The following CTNNA2 variants were observed in gnomAD, a reference collection of about 807,000 sequenced individuals.
CTNNA2 encodes catenin alpha-2.
Under a neutral mutation model 101.0 loss-of-function variants are expected in CTNNA2, and 42 were observed. That is an observed-to-expected ratio of 0.42 (90% CI 0.32 to 0.54). CTNNA2 has a LOEUF of 0.54. Among genes scored for constraint, CTNNA2 ranks in the 20% least tolerant of loss-of-function variants. The probability of loss-of-function intolerance (pLI) is 0.14; values close to 1 mark genes in which losing one functional copy is unlikely to be tolerated. For missense variants in CTNNA2, 871 were observed against 1,223.1 expected, an observed-to-expected ratio of 0.71 and a Z score of 4.29; for synonymous variants, 450 against 456.4, an observed-to-expected ratio of 0.99 and a Z score of 0.18.
intron 7 of CTNNA2, among the ~76,000 whole-genome samples, chr2:80,220,796 T>C (rs549088773): frequency 6.6e-6 from 1 of 152,232 alleles, no homozygotes; most frequent in Admixed American, 6.5e-5. Flanking sequence ...GAGTTATATA[T>C]TTTCCATCTG....
intron 7 of CTNNA2, among the ~76,000 whole-genome samples, chr2:80,326,139 T>G (rs1350388257): frequency 1.3e-5 from 2 of 152,186 alleles, no homozygotes; most frequent in East Asian, 3.9e-4. Context: ...TTGCTGGCAT[T>G]TGAAAGGGAA....
chr2:79,877,900 A>T (rs887244536), intron 6 of CTNNA2, among the ~76,000 whole-genome samples: 11 of 152,142 alleles, frequency 7.2e-5, no homozygotes, highest in Non-Finnish European at 1.6e-4. Context: ...CAGGTTTGTT[A>T]TCTAGGTTTA....
intron 7 of CTNNA2, among the ~76,000 whole-genome samples, chr2:80,188,544 C>T (rs1706274780): frequency 6.6e-6 from 1 of 152,130 alleles, no homozygotes; most frequent in Admixed American, 6.5e-5. Context: ...AAGATGTGGA[C>T]AGGGCTGCAT....
intron 7 of CTNNA2, among the ~76,000 whole-genome samples, chr2:80,286,609 C>T (rs1441824792): frequency 6.6e-6 from 1 of 152,186 alleles, no homozygotes; most frequent in East Asian, 1.9e-4. Flanking sequence ...TCTTTCACAT[C>T]GTGGATTGTG....
chr2:79,237,693 T>C (rs1361443328), intron 2 of CTNNA2, among the ~76,000 whole-genome samples: 3 of 152,226 alleles, frequency 2.0e-5, no homozygotes, highest in South Asian at 2.1e-4. Context: ...TCTACATCAG[T>C]ACTTGTTGCT....
chr2:80,451,736 G>A (rs1235248497), intron 9 of CTNNA2, among the ~76,000 whole-genome samples: 1 of 152,124 alleles, frequency 6.6e-6, no homozygotes, highest in Non-Finnish European at 1.5e-5. Flanking sequence ...TTGGGGGGAT[G>A]AGGAAATGTT....
At chr2:79,505,865 G>C (rs918506733) in intron 5 of CTNNA2, among the ~76,000 whole-genome samples, 1 of 152,184 alleles carries the variant, frequency 6.6e-6, no homozygotes. Context: ...GGTACAAACT[G>C]TGTCTTTTAC....
chr2:79,286,362 A>G lies in CTNNA2; in HGVS notation c.-405-26347A>G, dbSNP rs1315760528. On this transcript the variant is annotated intron_variant, in intron 2 of 21. Coordinates refer to the CTNNA2 transcript ENST00000466387. ...TCTTCCTAGTCTTGATGGTCTTTAT[A>G]TTTTGGCATGATTTTGCAGCGGCTG... is the stretch of plus-strand genomic sequence containing the variant. Among the ~76,000 whole-genome samples the G allele has an allele frequency of 3.3e-5, 5 of 152,012 alleles. No individual in the cohort carries two copies. The East Asian group carries it at 9.6e-4, about 29-fold the overall frequency.
intron 3 of CTNNA2, among the ~76,000 whole-genome samples, chr2:79,812,848 T>C (rs571381394): frequency 6.6e-6 from 1 of 152,230 alleles, no homozygotes; most frequent in South Asian, 2.1e-4. Flanking sequence ...AGTGCCACCT[T>C]AAGTAGGTCA....
intron 3 of CTNNA2, among the ~76,000 whole-genome samples, chr2:79,760,758 C>G (rs1287732751): frequency 6.6e-6 from 1 of 152,098 alleles, no homozygotes; most frequent in Non-Finnish European, 1.5e-5. Context: ...TGTAAAAGTG[C>G]ATTTATTGTT....
chr2:79,301,561 A>G lies in CTNNA2; in HGVS notation c.-405-11148A>G, dbSNP rs1274240702. Among the ~76,000 whole-genome samples, 10 of 152,156 alleles carry G rather than the reference A, an allele frequency of 6.6e-5. 1 individual carries two copies. The East Asian group carries it at 1.5e-3, about 23-fold the overall frequency. ...GCTGTATGCTCCTACGTTCGCTGCT[A>G]ATGTCTCTGGACTCCATTCCAACAC... On this transcript the variant is annotated intron_variant, in intron 2 of 21. Coordinates refer to the CTNNA2 transcript ENST00000466387.
chr2:79,735,794 A>G (rs1670831517), intron 2 of CTNNA2, among the ~76,000 whole-genome samples: 1 of 152,190 alleles, frequency 6.6e-6, no homozygotes, highest in Admixed American at 6.5e-5. Context: ...AGGTCTCAGT[A>G]TCAGTGGGCA....
At chr2:80,331,656 C>T (rs1671341543) in intron 7 of CTNNA2, among the ~76,000 whole-genome samples, 1 of 152,162 alleles carries the variant, frequency 6.6e-6, no homozygotes, top group African/African-American at 2.4e-5. Flanking sequence ...GGGTTATATT[C>T]CCGAGCAATG....
intron 2 of CTNNA2, among the ~76,000 whole-genome samples, chr2:79,740,270 A>T (rs1671198464): frequency 6.6e-6 from 1 of 152,228 alleles, no homozygotes; most frequent in South Asian, 2.1e-4. Flanking sequence ...GCAGTATTCG[A>T]TTTTGTTTGC....
chr2:79,680,665 T>C (rs888473321), intron 2 of CTNNA2, among the ~76,000 whole-genome samples: 3 of 152,212 alleles, frequency 2.0e-5, no homozygotes, highest in Admixed American at 2.0e-4. Context: ...GAGGTACTAT[T>C]GATTCAAAAG....
chr2:79,191,150 TG>T (rs1673864626), intron 1 of CTNNA2, among the ~76,000 whole-genome samples: 1 of 152,132 alleles, frequency 6.6e-6, no homozygotes, highest in Non-Finnish European at 1.5e-5. Flanking sequence ...GGAAGAAAAG[TG>T]TGGGACTGGG....
intron 9 of CTNNA2, among the ~76,000 whole-genome samples, chr2:80,508,351 G>A (rs1688433398): frequency 6.6e-6 from 1 of 152,072 alleles, no homozygotes; most frequent in African/African-American, 2.4e-5. Context: ...CAGGCGTGGT[G>A]ACACACACCT....
intron 2 of CTNNA2, among the ~76,000 whole-genome samples, chr2:79,236,366 C>A (rs1369716071): frequency 6.6e-6 from 1 of 152,190 alleles, no homozygotes; most frequent in Non-Finnish European, 1.5e-5. Context: ...ATCCTTGTCT[C>A]AAGCAATCCT....
At chr2:79,995,963 C>T (rs962386482) in intron 7 of CTNNA2, among the ~76,000 whole-genome samples, 1 of 152,136 alleles carries the variant, frequency 6.6e-6, no homozygotes, top group Non-Finnish European at 1.5e-5. Context: ...TTATACTTCC[C>T]ATGCCCAACC....
Sources: allele counts gnomAD v4.1 joint callset (sites outside exome capture counted in the v4.1 genomes callset), GRCh38; gene constraint gnomAD v4.1.1; transcripts MANE v1.5; gene names NCBI Gene and HGNC (gene_info 2026-07-23, HGNC 2026-07-21).